Variants in GALNT13 observed in about 807,000 individuals in gnomAD.
GALNT13 encodes UDP-GalNAc:polypeptide N-acetylgalactosaminyltransferase 13.
A neutral mutation model predicts 64.2 loss-of-function variants in GALNT13; 28 were observed. The ratio of observed to expected loss-of-function variants is 0.44; its 90% CI spans 0.32 to 0.60. The LOEUF is 0.60. Ranked by LOEUF, GALNT13 falls within the 20% of genes least tolerant of loss-of-function variation. The probability of loss-of-function intolerance (pLI) is 0.05; values close to 1 mark genes in which losing one functional copy is unlikely to be tolerated. For missense variants in GALNT13, 577 were observed against 669.8 expected, an observed-to-expected ratio of 0.86 and a Z score of 1.53; for synonymous variants, 214 against 224.6, an observed-to-expected ratio of 0.95 and a Z score of 0.42.
chr2:153,494,749 A>G, the GALNT13 span, among the ~76,000 whole-genome samples: 1 of 152,066 alleles, frequency 6.6e-6, no homozygotes, highest in Admixed American at 6.5e-5. Context: ...AAAAATGGTA[A>G]CTTAGATTTC....
intron 8 of GALNT13, among the ~76,000 whole-genome samples, chr2:154,295,456 CG>C (rs1692870091): frequency 6.6e-6 from 1 of 151,564 alleles, no homozygotes; most frequent in South Asian, 2.1e-4. Flanking sequence ...CTCTGCCTCC[CG>C]GGTTCAAGTG....
intron 4 of GALNT13, among the ~76,000 whole-genome samples, chr2:154,172,479 A>G (rs1313811777): frequency 2.0e-5 from 3 of 151,984 alleles, no homozygotes; most frequent in Admixed American, 6.6e-5. Context: ...GGTAACCACC[A>G]ATCTTTTCTG....
rs558008243 is a variant in GALNT13, at chr2:153,922,894, T to A, written c.-104-21500T>A. Reference sequence around the variant, plus strand: ...GCATTTTTATTTTTATTTTTTATTTTAATTTTTAAATTTTTTATTTTTTGA... The same window carrying A: ...GCATTTTTATTTTTATTTTTTATTTAAATTTTTAAATTTTTTATTTTTTGA... On this transcript the variant is annotated intron_variant, in intron 2 of 12. Coordinates refer to ENST00000392825, the MANE Select transcript of GALNT13 (RefSeq NM_052917.4). 1.7e-4 allele frequency among the ~76,000 whole-genome samples: 26 copies of A among 152,106 alleles called. No homozygotes were observed. In the East Asian group the frequency reaches 2.1e-3, roughly 12 times the overall value.
At chr2:153,725,104 C>T in the GALNT13 span, among the ~76,000 whole-genome samples, 23 of 148,720 alleles carry the variant, frequency 1.5e-4, no homozygotes, top group East Asian at 1.0e-3. Flanking sequence ...GGCACATATA[C>T]ACCATGGAAT....
In GALNT13 at chr2:154,259,092, C is replaced by A; in HGVS notation, c.929C>A (p.Ala310Glu). Residue 310 changes from alanine (A) to glutamate (E), a missense_variant, in exon 8 of 13, where the codon GCA becomes GAA. Coordinates refer to ENST00000392825, the MANE Select transcript of GALNT13 (RefSeq NM_052917.4). Reference sequence around the variant, plus strand: ...TTTGAAGAGATAGGAACTTACGATGCAGGAATGGATATCTGGGGTGGAGAG... The same window carrying A: ...TTTGAAGAGATAGGAACTTACGATGAAGGAATGGATATCTGGGGTGGAGAG... The part of the protein sequence containing the change: ...NYFEEIGTYD[A>E]GMDIWGGENL... The A allele has an allele frequency of 6.2e-7, 1 of 1,606,698 alleles. No individual in the cohort carries two copies. Among genetic ancestry groups the A allele is most frequent in the Non-Finnish European group, 8.5e-7 (1 of 1,175,754 alleles).
intron 4 of GALNT13, among the ~76,000 whole-genome samples, chr2:154,175,360 A>G (rs892070347): frequency 3.3e-5 from 5 of 152,184 alleles, no homozygotes; most frequent in Non-Finnish European, 5.9e-5. Context: ...ACATAACAAG[A>G]CACTTTCAAT....
At chr2:153,367,392 G>T in the GALNT13 span, among the ~76,000 whole-genome samples, 1 of 152,064 alleles carries the variant, frequency 6.6e-6, no homozygotes, top group African/African-American at 2.4e-5. Context: ...GCAGCATAAT[G>T]ATCCGTCAAG....
At chr2:153,920,510 G>A (rs539188754) in intron 2 of GALNT13, among the ~76,000 whole-genome samples, 9 of 151,868 alleles carry the variant, frequency 5.9e-5, no homozygotes, top group African/African-American at 2.2e-4. Flanking sequence ...TTTAATATAA[G>A]ACCCAAAACT....
At chr2:154,431,940 T>A (rs1574293903) in intron 11 of GALNT13, among the ~76,000 whole-genome samples, 1 of 152,192 alleles carries the variant, frequency 6.6e-6, no homozygotes, top group South Asian at 2.1e-4. Flanking sequence ...CCATTAAACC[T>A]CTTTCCTTTA....
the GALNT13 span, among the ~76,000 whole-genome samples, chr2:153,097,664 A>C: frequency 0.086 from 13,127 of 152,188 alleles, 687 homozygotes; most frequent in Non-Finnish European, 0.12. Flanking sequence ...TTTTATTCAG[A>C]GTTAATTTTT....
the GALNT13 span, among the ~76,000 whole-genome samples, chr2:153,662,902 A>G: frequency 2.4e-4 from 37 of 152,082 alleles, 1 homozygote; most frequent in African/African-American, 8.9e-4. Flanking sequence ...TTTGTCTAAA[A>G]CCTCAATCTA....
chr2:154,022,494 T>C (rs917984689), intron 3 of GALNT13, among the ~76,000 whole-genome samples: 12 of 152,246 alleles, frequency 7.9e-5, no homozygotes, highest in African/African-American at 2.9e-4. Flanking sequence ...GAGGTGTTTA[T>C]AGTATTCTCT....
the GALNT13 span, among the ~76,000 whole-genome samples, chr2:153,300,870 A>G: frequency 1.3e-5 from 2 of 152,236 alleles, no homozygotes; most frequent in Non-Finnish European, 2.9e-5. Context: ...GATATTAATT[A>G]TAAAATTTTG....
At chr2:154,427,619 G>A (rs1700528533) in intron 11 of GALNT13, among the ~76,000 whole-genome samples, 1 of 152,276 alleles carries the variant, frequency 6.6e-6, no homozygotes, top group Non-Finnish European at 1.5e-5. Flanking sequence ...GACAGGATGA[G>A]AATACTGAAC....
intron 3 of GALNT13, among the ~76,000 whole-genome samples, chr2:154,089,160 T>C (rs2105434571): frequency 6.6e-6 from 1 of 152,172 alleles, no homozygotes; most frequent in Non-Finnish European, 1.5e-5. Flanking sequence ...AACAAGTGAG[T>C]TCCTTTCAGG....
the GALNT13 span, among the ~76,000 whole-genome samples, chr2:153,677,306 C>CAA: frequency 6.6e-6 from 1 of 151,086 alleles, no homozygotes; most frequent in African/African-American, 2.4e-5. Context: ...CACACACACA[C>CAA]ACACACACAC....
At chr2:153,575,309 G>A in the GALNT13 span, among the ~76,000 whole-genome samples, 363 of 152,320 alleles carry the variant, frequency 2.4e-3, no homozygotes, top group African/African-American at 8.3e-3. Flanking sequence ...ACTGTGCTGA[G>A]TTAGACCTAT....
the GALNT13 span, among the ~76,000 whole-genome samples, chr2:153,503,186 A>C: frequency 1.3e-5 from 2 of 152,124 alleles, no homozygotes; most frequent in Admixed American, 1.3e-4. Context: ...TTTCAATGTC[A>C]TCTTCTAGAA....
intron 11 of GALNT13, among the ~76,000 whole-genome samples, chr2:154,421,642 T>A (rs1320651769): frequency 6.6e-6 from 1 of 152,120 alleles, no homozygotes; most frequent in Non-Finnish European, 1.5e-5. Context: ...GCTATCTTTA[T>A]ATTGAAATAT....
Sources: gnomAD v4.1 joint callset for allele counts (sites outside exome capture counted in the v4.1 genomes callset) on GRCh38, gnomAD v4.1.1 for gene constraint, MANE v1.5 for transcripts, NCBI Gene and HGNC (gene_info 2026-07-23, HGNC 2026-07-21) for gene names.